The following MTA3 variants were observed in gnomAD, a reference collection of about 807,000 sequenced individuals.
The protein encoded by MTA3 is metastasis associated 1 family member 3, also known as metastasis-associated protein MTA3.
Under a neutral mutation model 83.5 loss-of-function variants are expected in MTA3, and 34 were observed. The ratio of observed to expected loss-of-function variants is 0.41; its 90% confidence interval spans 0.31 to 0.54. The LOEUF is 0.54. MTA3 is among the 20% of genes least tolerant of loss of function. The pLI, the probability that MTA3 is intolerant of heterozygous loss-of-function variation, is 0.33. For missense variants in MTA3, 761 were observed against 726.4 expected, an observed-to-expected ratio of 1.05 and a Z score of -0.55; for synonymous variants, 303 against 252.7, an observed-to-expected ratio of 1.20 and a Z score of -1.89.
Position 42,756,888 on chromosome 2 carries a change from A to G in MTA3, c.*3489A>G, listed in dbSNP as rs1283495936. 1 of 985,330 alleles carries G rather than the reference A, an allele frequency of 1.0e-6. No homozygotes were observed. The highest frequency in any genetic ancestry group is 1.7e-5 in the African/African-American group (1 of 57,216). The allele number at this position is 985,330 out of a possible 1,614,324, so 61.0% of individuals were successfully genotyped here. On this transcript the variant is annotated 3_prime_UTR_variant, in exon 17 of 17. Coordinates refer to ENST00000405094, the MANE Select transcript of MTA3 (RefSeq NM_001330442.2). ...CCACAGTGTGGATTGTCTGTCTGTA[A>G]GGAGATGCCATCTACTAACCAATTT... is the stretch of plus-strand genomic sequence containing the variant.
At chr2:42,692,420 CTTTTT>C (rs796332869) in intron 9 of MTA3, among the ~76,000 whole-genome samples, 1 of 130,632 alleles carries the variant, frequency 7.7e-6, no homozygotes, top group African/African-American at 2.8e-5. Flanking sequence ...ATCTTGAATT[CTTTTT>C]TTTTTTTTTT....
chr2:42,514,218 A>C (rs1675031796), intron 2 of MTA3, among the ~76,000 whole-genome samples: 1 of 152,228 alleles, frequency 6.6e-6, no homozygotes, highest in Non-Finnish European at 1.5e-5. Flanking sequence ...GTCTCAAAAA[A>C]AAACAACGAG....
intron 16 of MTA3, among the ~76,000 whole-genome samples, chr2:42,750,106 C>T (rs575404780): frequency 6.6e-6 from 1 of 152,276 alleles, no homozygotes; most frequent in African/African-American, 2.4e-5. Context: ...ATTCTCCTGC[C>T]TCAGCCTCCT....
At chr2:42,630,075 A>G (rs1686525635) in intron 4 of MTA3, among the ~76,000 whole-genome samples, 1 of 152,132 alleles carries the variant, frequency 6.6e-6, no homozygotes, top group African/African-American at 2.4e-5. Flanking sequence ...CACACCCGGC[A>G]AAAAACAATT....
intron 2 of MTA3, among the ~76,000 whole-genome samples, chr2:42,495,720 C>G (rs1183444527): frequency 6.6e-6 from 1 of 152,108 alleles, no homozygotes; most frequent in Non-Finnish European, 1.5e-5. Context: ...GCAATGGAAT[C>G]CCTGGAGGTT....
chr2:42,632,350 A>G (rs1037146515), intron 4 of MTA3, among the ~76,000 whole-genome samples: 1 of 152,110 alleles, frequency 6.6e-6, no homozygotes, highest in East Asian at 1.9e-4. Flanking sequence ...TCGGCCTCCC[A>G]AAGTGCTGGG....
chr2:42,605,860 C>G (rs1683265441), intron 3 of MTA3, among the ~76,000 whole-genome samples: 1 of 132,904 alleles, frequency 7.5e-6, no homozygotes, highest in African/African-American at 2.9e-5. Flanking sequence ...CCACCTCCCT[C>G]CTGGACGGGG....
At chr2:42,513,160 C>T (rs952115350) in intron 2 of MTA3, among the ~76,000 whole-genome samples, 6 of 152,230 alleles carry the variant, frequency 3.9e-5, no homozygotes, top group Admixed American at 3.3e-4. Flanking sequence ...AGGGGAAACC[C>T]CATTTCATCT....
intron 2 of MTA3, among the ~76,000 whole-genome samples, chr2:42,523,457 CAGGA>C (rs1361811683): frequency 6.6e-6 from 1 of 152,120 alleles, no homozygotes; most frequent in Non-Finnish European, 1.5e-5. Context: ...CAGCCTCAAC[CAGGA>C]AGATGAAGAA....
rs1165269176 is a variant in MTA3 at position 42,704,211 on chromosome 2, A to G, written c.1043A>G (p.Asn348Ser). ...YIPTYSKPNP[N>S]QISTSNGKPG... ...ATTGAAAGCAGCAAACCAAATCCCAACCAAATATCCACTAGTAATGGGAAG... is the reference window on the plus strand; with the variant it reads ...ATTGAAAGCAGCAAACCAAATCCCAGCCAAATATCCACTAGTAATGGGAAG... Residue 348 changes from asparagine (N) to serine (S), a missense_variant, in exon 12 of 17, where the codon AAC becomes AGC. Physicochemically the swap from Asn to Ser is conservative, Grantham distance 46 (BLOSUM62 1). Transcript: ENST00000405094. 3.1e-6 allele frequency: 5 copies of G among 1,613,886 alleles called. No individual in the cohort carries two copies. In the East Asian group the frequency reaches 6.7e-5, roughly 22 times the overall value.
intron 4 of MTA3, among the ~76,000 whole-genome samples, chr2:42,635,823 G>A (rs772266234): frequency 1.7e-4 from 26 of 152,170 alleles, no homozygotes; most frequent in Admixed American, 4.6e-4. Context: ...CTCGAGTGCA[G>A]TGGCATGATC....
At chr2:42,606,951 C>T (rs981537045) in intron 3 of MTA3, among the ~76,000 whole-genome samples, 15 of 150,038 alleles carry the variant, frequency 1.0e-4, no homozygotes, top group East Asian at 2.0e-4. Flanking sequence ...TGCCTGCAAT[C>T]GCAGGCATTC....
chr2:42,645,219 T>C lies in MTA3; in HGVS notation c.499+975T>C, dbSNP rs151054752. On this transcript the variant is annotated intron_variant, in intron 6 of 16. Transcript: ENST00000405094. Reference sequence around the variant, plus strand: ...AAAAAGCTACACCAGTGAACACACATGAATGATAAAAAAAAGCAAAACAGG... The same window carrying C: ...AAAAAGCTACACCAGTGAACACACACGAATGATAAAAAAAAGCAAAACAGG... 1.9e-3 allele frequency among the ~76,000 whole-genome samples: 253 copies of C among 132,076 alleles called. 2 individuals carry two copies. The highest frequency in any genetic ancestry group is 5.0e-3 in the Admixed American group (66 of 13,126). 86.6% of individuals were successfully genotyped at this position (132,076 alleles called of 152,430 possible).
intron 2 of MTA3, among the ~76,000 whole-genome samples, chr2:42,548,856 T>TA: frequency 3.5e-5 from 1 of 28,334 alleles, no homozygotes; most frequent in African/African-American, 3.0e-4. Flanking sequence ...AATATATATA[T>TA]ATAATATATA....
At chr2:42,512,715 G>A (rs906477078) in intron 2 of MTA3, among the ~76,000 whole-genome samples, 6 of 152,120 alleles carry the variant, frequency 3.9e-5, no homozygotes, top group Non-Finnish European at 5.9e-5. Context: ...ATTTAATTTA[G>A]ACCATGTCAA....
intron 16 of MTA3, among the ~76,000 whole-genome samples, chr2:42,744,481 G>C (rs1275907417): frequency 6.6e-6 from 1 of 152,150 alleles, no homozygotes; most frequent in East Asian, 1.9e-4. Flanking sequence ...TCCTTAATAA[G>C]TGTCTCTGTT....
chr2:42,524,357 G>A (rs1004780125), intron 2 of MTA3, among the ~76,000 whole-genome samples: 4 of 150,682 alleles, frequency 2.7e-5, no homozygotes, highest in African/African-American at 7.3e-5. Context: ...CTGAAGGGCC[G>A]TGGCCTGATC....
chr2:42,731,456 C>T (rs1445662573), intron 16 of MTA3, among the ~76,000 whole-genome samples: 1 of 152,116 alleles, frequency 6.6e-6, no homozygotes, highest in Non-Finnish European at 1.5e-5. Flanking sequence ...GCCAAAGGCA[C>T]TTTTTACATG....
chr2:42,668,650 C>G (rs183439219), intron 8 of MTA3, among the ~76,000 whole-genome samples: 4 of 152,212 alleles, frequency 2.6e-5, no homozygotes, highest in African/African-American at 9.6e-5. Context: ...ATTTTATAGC[C>G]TTATTGATTG....
Sources: gnomAD v4.1 joint callset for allele counts (sites outside exome capture counted in the v4.1 genomes callset) on GRCh38, gnomAD v4.1.1 for gene constraint, MANE v1.5 for transcripts, NCBI Gene and HGNC (gene_info 2026-07-23, HGNC 2026-07-21) for gene names.